APLF: variants seen among roughly 807,000 people sequenced by gnomAD.
APLF encodes aprataxin and PNKP like factor.
Under a neutral mutation model 55.6 loss-of-function variants are expected in APLF, and 61 were observed. The observed-to-expected ratio is 1.10, with a 90% confidence interval of 0.89 to 1.36. The LOEUF (loss-of-function observed/expected upper bound fraction) is 1.36. Ranked by LOEUF, APLF falls within the 40% of genes most tolerant of loss-of-function variation. The pLI, the probability that APLF is intolerant of heterozygous loss-of-function variation, is 0.00. For synonymous variants in APLF, 207 were observed against 214.8 expected (o/e 0.96, Z 0.32); for missense variants, 611 against 602.5 (o/e 1.01, Z -0.15).
At chr2:68,567,915 C>G (rs1184956731) in intron 9 of APLF, among the ~76,000 whole-genome samples, 1 of 152,032 alleles carries the variant, frequency 6.6e-6, no homozygotes, top group Non-Finnish European at 1.5e-5. Context: ...CCTCATGATT[C>G]CTAGGAAAAA....
intron 8 of APLF, among the ~76,000 whole-genome samples, chr2:68,557,984 CTT>C (rs1222273559): frequency 6.6e-6 from 1 of 151,404 alleles, no homozygotes; most frequent in Non-Finnish European, 1.5e-5. Flanking sequence ...TAGAAAGTAA[CTT>C]ATCATCATTT....
At chr2:68,516,973 A>G (rs1669604300) in intron 5 of APLF, among the ~76,000 whole-genome samples, 1 of 126,062 alleles carries the variant, frequency 7.9e-6, no homozygotes, top group Non-Finnish European at 1.6e-5. Flanking sequence ...ATAATATAAT[A>G]TAATATAATT....
chr2:68,510,349 C>T (rs1268421542), intron 3 of APLF, among the ~76,000 whole-genome samples: 1 of 151,668 alleles, frequency 6.6e-6, no homozygotes, highest in East Asian at 1.9e-4. Context: ...GGCAAACAAC[C>T]CAATTTTAAA....
chr2:68,572,154 GA>G (rs1230306344), intron 9 of APLF, among the ~76,000 whole-genome samples: 5 of 151,094 alleles, frequency 3.3e-5, no homozygotes, highest in African/African-American at 1.2e-4. Context: ...TTAATGTGTG[GA>G]AAGCTAAGAG....
At chr2:68,556,139 G>C (rs148193466) in intron 8 of APLF, among the ~76,000 whole-genome samples, 30 of 152,326 alleles carry the variant, frequency 2.0e-4, no homozygotes, top group African/African-American at 7.2e-4. Context: ...ATATGTGGGA[G>C]CTAAGCTGTG....
At chr2:68,518,643 T>TAATATATCATGAATATATAATAAATC in intron 5 of APLF, among the ~76,000 whole-genome samples, 1 of 96,484 alleles carries the variant, frequency 1.0e-5, no homozygotes, top group Non-Finnish European at 1.7e-5. Flanking sequence ...AATATATCAT[T>TAATATATCATGAATATATAATAAATC]AATATATCAT....
At chr2:68,568,540 T>C (rs1023026821) in intron 9 of APLF, among the ~76,000 whole-genome samples, 5 of 152,298 alleles carry the variant, frequency 3.3e-5, no homozygotes, top group Admixed American at 2.0e-4. Flanking sequence ...GTGGCAGTTA[T>C]GGTAGTTTAA....
chr2:68,516,965 A>G (rs1422055654), intron 5 of APLF, among the ~76,000 whole-genome samples: 1 of 123,874 alleles, frequency 8.1e-6, no homozygotes, highest in East Asian at 2.1e-4. Flanking sequence ...AATATATAAT[A>G]ATATAATATA....
rs1670450624 is a variant in APLF, at chr2:68,538,282, T to G, written c.1160+55T>G. 3.5e-6 allele frequency: 5 copies of G among 1,420,804 alleles called. No homozygotes were observed. The South Asian group carries it at 6.9e-5, about 20-fold the overall frequency. 88.0% of individuals were successfully genotyped at this position (1,420,804 alleles called of 1,614,324 possible). A position where few individuals can be genotyped will look rare whatever the true frequency, so the allele number is the denominator to read the frequency against. On this transcript the variant is annotated intron_variant, in intron 7 of 9. Transcript: ENST00000303795. ...CCATTATTTTGATAGCGTGTAGCTA[T>G]GTAGATACATGCTACAGTATATTAA...
chr2:68,574,144 G>A (rs541115594), intron 9 of APLF, among the ~76,000 whole-genome samples: 6 of 150,306 alleles, frequency 4.0e-5, no homozygotes, highest in East Asian at 1.9e-4. Flanking sequence ...ATGAGAATAC[G>A]TGTGTTATTG....
intron 8 of APLF, among the ~76,000 whole-genome samples, chr2:68,564,367 G>C (rs1194231387): frequency 8.5e-5 from 13 of 152,056 alleles, no homozygotes; most frequent in Non-Finnish European, 1.6e-4. Flanking sequence ...CAAAGCTGTT[G>C]AATTAGGACC....
intron 3 of APLF, among the ~76,000 whole-genome samples, chr2:68,506,261 A>G (rs1302781550): frequency 2.0e-5 from 3 of 151,352 alleles, no homozygotes; most frequent in Admixed American, 6.6e-5. Flanking sequence ...ATTAGATTAG[A>G]AGCCATGAGG....
intron 6 of APLF, chr2:68,535,384 G>A (rs948061398): frequency 1.1e-5 from 4 of 373,362 alleles, no homozygotes; most frequent in East Asian, 9.5e-5. Flanking sequence ...TAATTTTTTG[G>A]TTTGTATCCT....
intron 5 of APLF, among the ~76,000 whole-genome samples, chr2:68,520,360 T>C (rs1298871955): frequency 2.0e-5 from 3 of 152,034 alleles, no homozygotes; most frequent in Non-Finnish European, 4.4e-5. Flanking sequence ...TGCATTTGCT[T>C]TTGGGTTCTT....
chr2:68,577,952 A>G lies in APLF; in HGVS notation c.1466A>G (p.Lys489Arg). The change falls in exon 10 of 10, where the codon AAG (lysine) becomes AGG (arginine). Residue 489 changes from lysine to arginine, a missense_variant. By Grantham distance (26) the Lys-to-Arg change is conservative. Transcript: ENST00000303795. Reference sequence around the variant, plus strand: ...GAAGATTCTGACTGGGAACCAGGAAAGGAAGATGAAGAGAAGGAAGATGTG... The same window carrying G: ...GAAGATTCTGACTGGGAACCAGGAAGGGAAGATGAAGAGAAGGAAGATGTG... ...TDEDSDWEPG[K>R]EDEEKEDVEE... 1 of 1,613,680 alleles carries G rather than the reference A, an allele frequency of 6.2e-7. No individual in the cohort carries two copies. The highest frequency in any genetic ancestry group is 1.1e-5 in the South Asian group (1 of 91,070).
chr2:68,477,329 A>AT (rs1441226740), intron 1 of APLF, among the ~76,000 whole-genome samples: 1 of 152,164 alleles, frequency 6.6e-6, no homozygotes, highest in African/African-American at 2.4e-5. Context: ...AGTAAATTGT[A>AT]TATCATAATA....
intron 7 of APLF, among the ~76,000 whole-genome samples, chr2:68,544,607 T>G (rs1670648866): frequency 1.3e-5 from 2 of 152,344 alleles, no homozygotes; most frequent in East Asian, 1.9e-4. Context: ...TTATAATTTC[T>G]AATAGGGTAA....
At chr2:68,519,772 A>G (rs1669839936) in intron 5 of APLF, among the ~76,000 whole-genome samples, 1 of 151,654 alleles carries the variant, frequency 6.6e-6, no homozygotes, top group Non-Finnish European at 1.5e-5. Flanking sequence ...GTGCTGCTAT[A>G]AACATGTATG....
At chr2:68,534,941 T>A (rs1670347676) in intron 6 of APLF, among the ~76,000 whole-genome samples, 1 of 152,224 alleles carries the variant, frequency 6.6e-6, no homozygotes, top group South Asian at 2.1e-4. Context: ...GGGTCATTTA[T>A]AAATAATTTA....
Sources: gnomAD v4.1 joint callset for allele counts (sites outside exome capture counted in the v4.1 genomes callset) on GRCh38, gnomAD v4.1.1 for gene constraint, MANE v1.5 for transcripts, NCBI Gene and HGNC (gene_info 2026-07-23, HGNC 2026-07-21) for gene names.